Variants in NRG1 observed in about 807,000 individuals in gnomAD.
NRG1 encodes pro-neuregulin-1, membrane-bound isoform.
In NRG1, 18 loss-of-function variants were observed where a neutral mutation model predicts 63.8. The observed-to-expected ratio is 0.28, with a 90% CI of 0.19 to 0.42. The LOEUF (loss-of-function observed/expected upper bound fraction) is 0.42. Ranked by LOEUF, NRG1 falls within the 10% of genes least tolerant of loss-of-function variation. The pLI is 1.00. For synonymous variants in NRG1, 302 were observed against 301.3 expected, an observed-to-expected ratio of 1.00 and a Z score of -0.02; for missense variants, 762 against 814.7, an observed-to-expected ratio of 0.94 and a Z score of 0.79.
At chr8:31,845,963 T>C (rs1238567947) in intron 1 of NRG1, among the ~76,000 whole-genome samples, 1 of 152,198 alleles carries the variant, frequency 6.6e-6, no homozygotes, top group African/African-American at 2.4e-5. Context: ...AGAGTTTTTT[T>C]TCCTGATATC....
At chr8:31,922,532 T>C (rs2129618955) in intron 1 of NRG1, among the ~76,000 whole-genome samples, 1 of 152,334 alleles carries the variant, frequency 6.6e-6, no homozygotes, top group Admixed American at 6.5e-5. Flanking sequence ...CACCTCTATG[T>C]CATTGTCCTT....
intron 1 of NRG1, 73 bp downstream of exon 1, chr8:32,548,899 CG>C: frequency 6.8e-7 from 1 of 1,470,222 alleles, no homozygotes; most frequent in Non-Finnish European, 9.0e-7. Context: ...CCTCGGATGC[CG>C]TGGCCTCTCC....
intron 5 of NRG1, among the ~76,000 whole-genome samples, chr8:32,625,315 G>T (rs1320475842): frequency 6.6e-6 from 1 of 152,192 alleles, no homozygotes; most frequent in Non-Finnish European, 1.5e-5. Context: ...GGTCACTGTG[G>T]CTTATAGCCT....
At chr8:32,088,356 A>G (rs1167606915) in intron 1 of NRG1, among the ~76,000 whole-genome samples, 1 of 152,196 alleles carries the variant, frequency 6.6e-6, no homozygotes, top group Non-Finnish European at 1.5e-5. Context: ...GGTCAGATAA[A>G]GTGGATTATA....
intron 1 of NRG1, among the ~76,000 whole-genome samples, chr8:32,259,070 A>G (rs929488117): frequency 3.3e-5 from 5 of 152,220 alleles, no homozygotes; most frequent in African/African-American, 4.8e-5. Context: ...GTAAATCCAA[A>G]TGATTTCTCT....
chr8:31,883,424 G>A (rs545875536), intron 1 of NRG1, among the ~76,000 whole-genome samples: 52 of 152,156 alleles, frequency 3.4e-4, no homozygotes, highest in African/African-American at 1.2e-3. Context: ...CAGTTCACTA[G>A]AACTGAACCT....
intron 5 of NRG1, among the ~76,000 whole-genome samples, chr8:32,726,919 T>C (rs1280986460): frequency 7.6e-6 from 1 of 132,192 alleles, no homozygotes; most frequent in African/African-American, 3.9e-5. Context: ...AAAGATGGAT[T>C]TTTTTTTTTT....
At chr8:32,370,706 A>G (rs552163123) in intron 1 of NRG1, among the ~76,000 whole-genome samples, 4 of 151,250 alleles carry the variant, frequency 2.6e-5, no homozygotes, top group Non-Finnish European at 4.4e-5. Flanking sequence ...GAAAATACAA[A>G]AATTAGCCAG....
rs898638053 is a variant in NRG1, at chr8:32,729,408, A to T, written c.632+1330A>T. Among the ~76,000 whole-genome samples the T allele has an allele frequency of 5.3e-5, 8 of 152,222 alleles. No homozygotes were observed. The East Asian group carries it at 1.5e-3, about 29-fold the overall frequency. ...TCGTTCCTTAAAAAATGTAATGTAGAACATCTAATAAATTTTGCCAGCAGT... is the reference window on the plus strand; with the variant it reads ...TCGTTCCTTAAAAAATGTAATGTAGTACATCTAATAAATTTTGCCAGCAGT... On this transcript the variant is annotated intron_variant, in intron 6 of 11. Transcript: ENST00000356819.
chr8:31,949,312 G>T (rs561696868), intron 1 of NRG1, among the ~76,000 whole-genome samples: 1 of 151,976 alleles, frequency 6.6e-6, no homozygotes, highest in African/African-American at 2.4e-5. Flanking sequence ...TTCCCCTCTC[G>T]CTGTCTTTTG....
chr8:31,712,255 C>CTTTTTTTTTTTTTTTTTTTTTTTTTTTTT lies in NRG1; in HGVS notation c.37+72826_37+72854dup, dbSNP rs57363109. On this transcript the variant is annotated intron_variant, in intron 1 of 10. Transcript: ENST00000519301. The stretch of plus-strand genomic sequence containing the variant: ...TGACTTCCTGTTTCTTCTTCATGAT[C>CTTTTTTTTTTTTTTTTTTTTTTTTTTTTT]TTTTTTTTTTTTTTTTTTTTTTTTT... 8.3e-5 allele frequency among the ~76,000 whole-genome samples: 6 copies of CTTTTTTTTTTTTTTTTTTTTTTTTTTTTT among 72,354 alleles called. 1 individual carries two copies. The highest frequency in any genetic ancestry group is 3.7e-4 in the Admixed American group (2 of 5,346). The allele number at this position is 72,354 out of a possible 152,430, so 47.5% of individuals were successfully genotyped here.
At chr8:32,079,964 A>G (rs1027478404) in intron 1 of NRG1, among the ~76,000 whole-genome samples, 18 of 152,178 alleles carry the variant, frequency 1.2e-4, no homozygotes, top group African/African-American at 4.3e-4. Context: ...CTAAACAAGT[A>G]TTTGTTTTAA....
intron 1 of NRG1, among the ~76,000 whole-genome samples, chr8:31,917,159 T>C (rs1266295180): frequency 1.1e-5 from 1 of 90,420 alleles, no homozygotes; most frequent in African/African-American, 4.0e-5. Context: ...GTAGGTTGCC[T>C]GTTCACTCTG....
chr8:32,673,593 T>TA (rs1343423558), intron 5 of NRG1, among the ~76,000 whole-genome samples: 2 of 152,154 alleles, frequency 1.3e-5, no homozygotes, highest in East Asian at 3.8e-4. Flanking sequence ...GAAAATGGAT[T>TA]AAAAAAACAC....
At position 31,702,778 on chromosome 8, in the gene NRG1, T is replaced by C. The variant is rs140352742; in HGVS notation, c.37+63347T>C. On this transcript the variant is annotated intron_variant, in intron 1 of 10. Coordinates refer to the NRG1 transcript ENST00000519301. Reference sequence around the variant, plus strand: ...ATTTTTTAATTTATTTTTAAAAATCTTATTGTCACACCCCATGATTCTGCA... The same window carrying C: ...ATTTTTTAATTTATTTTTAAAAATCCTATTGTCACACCCCATGATTCTGCA... Among the ~76,000 whole-genome samples the C allele has an allele frequency of 4.5e-3, 681 of 152,286 alleles. 8 individuals carry two copies. Among genetic ancestry groups the C allele is most frequent in the African/African-American group, 0.015 (637 of 41,550 alleles).
intron 1 of NRG1, among the ~76,000 whole-genome samples, chr8:31,943,631 A>AG (rs1384593835): frequency 1.3e-5 from 2 of 152,184 alleles, no homozygotes; most frequent in Non-Finnish European, 2.9e-5. Flanking sequence ...CAGTGAAGAA[A>AG]GGGGCAATGT....
intron 1 of NRG1, among the ~76,000 whole-genome samples, chr8:32,444,696 GA>G (rs1262312409): frequency 6.6e-6 from 1 of 152,134 alleles, no homozygotes; most frequent in South Asian, 2.1e-4. Context: ...CCACAATGAG[GA>G]ACAGCATTCT....
At chr8:31,918,669 T>C (rs1833625940) in intron 1 of NRG1, among the ~76,000 whole-genome samples, 1 of 152,216 alleles carries the variant, frequency 6.6e-6, no homozygotes, top group Non-Finnish European at 1.5e-5. Context: ...TTCTCTTTTT[T>C]GTTTGTGTCT....
At position 32,007,933 on chromosome 8, in the gene NRG1, G is replaced by T. The variant is rs532658684; in HGVS notation, c.37+368502G>T. Among the ~76,000 whole-genome samples, 43 of 151,974 alleles carry T rather than the reference G, an allele frequency of 2.8e-4. 1 individual carries two copies. The highest frequency in any genetic ancestry group is 1.0e-3 in the African/African-American group (43 of 41,480). On this transcript the variant is annotated intron_variant, in intron 1 of 10. Transcript: ENST00000519301. ...CACTGTGATTTATTCCCTACTCAGTGCCCATCCCCCACTCCAAAGCCCTAC... is the reference window on the plus strand; with the variant it reads ...CACTGTGATTTATTCCCTACTCAGTTCCCATCCCCCACTCCAAAGCCCTAC...
Sources: allele counts gnomAD v4.1 joint callset (sites outside exome capture counted in the v4.1 genomes callset), GRCh38; gene constraint gnomAD v4.1.1; transcripts MANE v1.5; gene names NCBI Gene and HGNC (gene_info 2026-07-23, HGNC 2026-07-21).